Variants in ZNF790 observed in about 807,000 individuals in gnomAD.
ZNF790 encodes zinc finger protein 790.
Under a neutral mutation model 12.1 loss-of-function variants are expected in ZNF790, and 8 were observed. The observed-to-expected ratio is 0.66, with a 90% CI of 0.39 to 1.19. The LOEUF (loss-of-function observed/expected upper bound fraction) is 1.19, where lower values mean the gene tolerates loss of function less well. ZNF790 is among the 50% of genes most tolerant of loss of function. The pLI, the probability that ZNF790 is intolerant of heterozygous loss-of-function variation, is 0.01. For synonymous variants in ZNF790, 252 were observed against 244.3 expected (o/e 1.03, Z -0.29); for missense variants, 707 against 752.2 (o/e 0.94, Z 0.70).
At chr19:36,845,097 G>A (rs1427526525) in intron 1 of ZNF790, among the ~76,000 whole-genome samples, 1 of 142,898 alleles carries the variant, frequency 7.0e-6, no homozygotes, top group Non-Finnish European at 1.5e-5. Context: ...GGAGTTTTTC[G>A]AGAAGAACAA....
intron 4 of ZNF790, among the ~76,000 whole-genome samples, chr19:36,822,444 G>A (rs2146022139): frequency 6.6e-6 from 1 of 152,322 alleles, no homozygotes; most frequent in Admixed American, 6.5e-5. Flanking sequence ...AAATAGAGTG[G>A]TATTTGGAGT....
At chr19:36,822,890 G>A (rs1007671244) in intron 4 of ZNF790, among the ~76,000 whole-genome samples, 4 of 151,044 alleles carry the variant, frequency 2.6e-5, no homozygotes, top group South Asian at 4.2e-4. Flanking sequence ...TCACTCTGTC[G>A]ACCAGACTGC....
chr19:36,826,581 CAAA>C (rs34066712), intron 1 of ZNF790, among the ~76,000 whole-genome samples: 1 of 130,732 alleles, frequency 7.6e-6, no homozygotes, highest in Non-Finnish European at 1.6e-5. Context: ...GACTCGGTCT[CAAA>C]AAAAAAAAAT....
intron 1 of ZNF790, among the ~76,000 whole-genome samples, chr19:36,826,387 A>G (rs1002700864): frequency 4.6e-5 from 7 of 152,010 alleles, no homozygotes; most frequent in African/African-American, 1.7e-4. Context: ...GATGAAGACC[A>G]TCTTGGCCGA....
At chr19:36,848,151 T>C (rs2072196979) in intron 1 of ZNF790, among the ~76,000 whole-genome samples, 1 of 152,368 alleles carries the variant, frequency 6.6e-6, no homozygotes, top group Admixed American at 6.5e-5. Context: ...ATGTCTTTAC[T>C]GTTCATTAAC....
rs1017070349 is a variant in ZNF790, at chr19:36,818,174, A to G, written c.*259T>C. ...CATCTCTGATGAGAATGTTTTGAGA[A>G]TGATTCAAAAAGAATTCATGCTATC... On this transcript the variant is annotated 3_prime_UTR_variant, in exon 5 of 5. Transcript: ENST00000356725. 3.5e-5 allele frequency: 9 copies of G among 258,740 alleles called. No homozygotes were observed. Among genetic ancestry groups the G allele is most frequent in the Admixed American group, 3.4e-4 (7 of 20,650 alleles). 16.0% of individuals were successfully genotyped at this position (258,740 alleles called of 1,614,324 possible).
In ZNF790 at chr19:36,847,222, C is replaced by T. The variant is rs541128239; in HGVS notation, c.-74+2780G>A. On this transcript the variant is annotated intron_variant, in intron 1 of 4. Transcript: ENST00000528994. ...TACAAAAATTAGCCGGGTGTGGTGGCGCACATCTGTAATCCCAGCTACTCG... is the reference window on the plus strand; with the variant it reads ...TACAAAAATTAGCCGGGTGTGGTGGTGCACATCTGTAATCCCAGCTACTCG... 1.1e-4 allele frequency among the ~76,000 whole-genome samples: 17 copies of T among 151,800 alleles called. No homozygotes were observed. In the East Asian group the frequency reaches 2.7e-3, roughly 24 times the overall value.
At position 36,823,768 on chromosome 19, in the gene ZNF790, G is replaced by C. The variant is rs1471841499; in HGVS notation, c.32C>G (p.Ala11Gly). Residue 11 changes from alanine to glycine, a missense_variant, in exon 3 of 5, where the codon GCT becomes GGT. Ala to Gly is a moderately conservative substitution (Grantham distance 60). Transcript: ENST00000356725. The stretch of plus-strand genomic sequence containing the variant: ...CCACTCCTCCTGAGAGAAATCTACA[G>C]CCACATCCCTGAACATCATCAACTG... MAHLMMFRDV[A>G]VDFSQEEWEC... The C allele has an allele frequency of 1.9e-6, 3 of 1,611,880 alleles. No homozygotes were observed. The highest frequency in any genetic ancestry group is 1.7e-5 in the Admixed American group (1 of 59,290).
intron 1 of ZNF790, among the ~76,000 whole-genome samples, chr19:36,836,747 ACT>A (rs969482620): frequency 3.3e-5 from 5 of 152,032 alleles, no homozygotes; most frequent in South Asian, 2.1e-4. Context: ...ACAGAACAAG[ACT>A]CTGTCTCACA....
chr19:36,846,424 G>C (rs962148657), intron 1 of ZNF790, among the ~76,000 whole-genome samples: 2 of 152,148 alleles, frequency 1.3e-5, no homozygotes, highest in Admixed American at 1.3e-4. Context: ...AATTAGCCGG[G>C]CATGGTGGCA....
intron 1 of ZNF790, among the ~76,000 whole-genome samples, chr19:36,846,884 T>A (rs2072185426): frequency 6.6e-6 from 1 of 152,166 alleles, no homozygotes; most frequent in Non-Finnish European, 1.5e-5. Context: ...CTAAAGATAA[T>A]CACAGTTTTC....
At chr19:36,847,500 A>C (rs1432177017) in intron 1 of ZNF790, among the ~76,000 whole-genome samples, 1 of 151,854 alleles carries the variant, frequency 6.6e-6, no homozygotes, top group Admixed American at 6.6e-5. Context: ...CTGTAATCCC[A>C]GCACTTTGGG....
At position 36,819,427 on chromosome 19, in the gene ZNF790, C is replaced by G. The variant is rs770754311; in HGVS notation, c.917G>C (p.Gly306Ala). Residue 306 changes from glycine (G) to alanine (A), a missense_variant, in exon 5 of 5, where the codon GGT (glycine) becomes GCT (alanine). Coordinates refer to ENST00000356725, the MANE Select transcript of ZNF790 (RefSeq NM_206894.4). ...DLTRHQRIHT[G>A]EKPYECNECR... ...TTCATTACATTCATAGGGTTTTTCA[C>G]CAGTATGAATTCTCTGATGTCGAGT... 2 of 1,610,544 alleles carry G rather than the reference C, an allele frequency of 1.2e-6. No individual in the cohort carries two copies. The highest frequency in any genetic ancestry group is 1.7e-4 in the Middle Eastern group (1 of 6,042).
At chr19:36,841,703 G>A (rs937305230), upstream of ZNF790, among the ~76,000 whole-genome samples, 1 of 151,570 alleles carries the variant, frequency 6.6e-6, no homozygotes. Flanking sequence ...CCAACATGGC[G>A]AAATCCCATC....
rs1366937540 is a variant in ZNF790, at chr19:36,823,731, G to A, written c.69C>T (p.Asp23=). 2 of 1,613,404 alleles carry A rather than the reference G, an allele frequency of 1.2e-6. No individual in the cohort carries two copies. The highest frequency in any genetic ancestry group is 1.7e-5 in the Admixed American group (1 of 59,876). Residue 23 remains aspartate, a synonymous_variant, in exon 3 of 5, where the codon GAC becomes GAT. Transcript: ENST00000356725. ...DFSQEEWECL[D]LEQRDLYRDV... is the part of the protein sequence containing the mutation. ...CTCTATATAAATCCCTCTGTTCCAG[G>A]TCCAGGCACTCCCACTCCTCCTGAG... is the stretch of plus-strand genomic sequence containing the variant.
At chr19:36,843,027 TGAAG>T (rs1362673563), upstream of ZNF790, among the ~76,000 whole-genome samples, 1 of 139,086 alleles carries the variant, frequency 7.2e-6, no homozygotes, top group Non-Finnish European at 1.6e-5. Context: ...AAAAAAGACA[TGAAG>T]GAGTGTTTGG....
chr19:36,833,674 C>T (rs566191274), intron 1 of ZNF790, among the ~76,000 whole-genome samples: 118 of 151,978 alleles, frequency 7.8e-4, no homozygotes, highest in Non-Finnish European at 1.6e-3. Context: ...GATTTCAGAG[C>T]AAATAAATAA....
intron 4 of ZNF790, among the ~76,000 whole-genome samples, chr19:36,820,616 T>A (rs1304815608): frequency 3.3e-5 from 5 of 152,116 alleles, no homozygotes; most frequent in Non-Finnish European, 7.4e-5. Context: ...AGAAAAATAG[T>A]TTGAAGGCCA....
intron 1 of ZNF790, among the ~76,000 whole-genome samples, chr19:36,836,732 T>TG (rs1488928228): frequency 6.6e-6 from 1 of 152,148 alleles, no homozygotes; most frequent in East Asian, 1.9e-4. Context: ...CACTCCAGCC[T>TG]GGTGACAGAA....
Sources: gnomAD v4.1 joint callset for allele counts (sites outside exome capture counted in the v4.1 genomes callset) on GRCh38, gnomAD v4.1.1 for gene constraint, MANE v1.5 for transcripts, NCBI Gene and HGNC (gene_info 2026-07-23, HGNC 2026-07-21) for gene names.